ERC1: variants seen among roughly 807,000 people sequenced by gnomAD.
The protein encoded by ERC1 is ELKS/RAB6-interacting/CAST family member 1, also known as RAB6 interacting protein 2.
Under a neutral mutation model 132.0 loss-of-function variants are expected in ERC1, and 56 were observed. That is an observed-to-expected ratio of 0.42 (90% CI 0.34 to 0.53). The LOEUF (loss-of-function observed/expected upper bound fraction) is 0.53, where lower values mean the gene tolerates loss of function less well. Among genes scored for constraint, ERC1 ranks in the 20% least tolerant of loss-of-function variants. The pLI is 0.03. For missense variants in ERC1, 1,202 were observed against 1,349.9 expected (o/e 0.89, Z 1.72); for synonymous variants, 478 against 476.1 (o/e 1.00, Z -0.05).
chr12:1,480,977 T>C (rs2094079327), intron 18 of ERC1: 4 of 699,968 alleles, frequency 5.7e-6, no homozygotes, highest in Non-Finnish European at 1.0e-5. Flanking sequence ...ATGCTGAAAC[T>C]GTGGATGGTA....
intron 12 of ERC1, among the ~76,000 whole-genome samples, chr12:1,193,793 T>C (rs1482262929): frequency 6.6e-6 from 1 of 152,218 alleles, no homozygotes; most frequent in Non-Finnish European, 1.5e-5. Flanking sequence ...ATTGGGATTA[T>C]CTAGGTTAGT....
chr12:1,340,964 C>G (rs2083781335), intron 15 of ERC1, among the ~76,000 whole-genome samples: 1 of 151,312 alleles, frequency 6.6e-6, no homozygotes, highest in Admixed American at 6.6e-5. Flanking sequence ...GGTACATTGC[C>G]AGTATATTCT....
At chr12:1,022,984 A>G (rs1338214314) in intron 1 of ERC1, among the ~76,000 whole-genome samples, 2 of 152,154 alleles carry the variant, frequency 1.3e-5, no homozygotes, top group Non-Finnish European at 2.9e-5. Flanking sequence ...CGCCATGTGA[A>G]GAAGGATGTG....
intron 17 of ERC1, 194 bp from the exon 18 acceptor site, chr12:1,444,368 G>A (rs984061589): frequency 8.4e-6 from 4 of 478,566 alleles, no homozygotes; most frequent in Non-Finnish European, 1.5e-5. Flanking sequence ...GCGGCTGCGT[G>A]TGACAGCGTA....
intron 16 of ERC1, among the ~76,000 whole-genome samples, chr12:1,400,916 A>ATTTTTTTTTT (rs869202443): frequency 2.7e-4 from 4 of 15,054 alleles, no homozygotes; most frequent in African/African-American, 6.2e-4. Flanking sequence ...CTATTTTTGT[A>ATTTTTTTTTT]TTTTTTTTTT....
At chr12:1,162,811 G>A (rs1312570872) in intron 8 of ERC1, among the ~76,000 whole-genome samples, 1 of 152,098 alleles carries the variant, frequency 6.6e-6, no homozygotes, top group Non-Finnish European at 1.5e-5. Flanking sequence ...TGTGAAGCAA[G>A]CTAAGTTTAG....
chr12:1,350,959 C>T (rs2084939576), intron 15 of ERC1, among the ~76,000 whole-genome samples: 1 of 152,160 alleles, frequency 6.6e-6, no homozygotes, highest in Non-Finnish European at 1.5e-5. Context: ...CCCTGCAATA[C>T]CTAATGCAGT....
intron 3 of ERC1, among the ~76,000 whole-genome samples, chr12:1,097,227 G>C (rs34866178): frequency 6.6e-6 from 1 of 151,964 alleles, no homozygotes; most frequent in Non-Finnish European, 1.5e-5. Flanking sequence ...TTCCTACTTC[G>C]TGTGTATAGA....
At chr12:1,190,870 AG>A (rs1423366372) in intron 12 of ERC1, among the ~76,000 whole-genome samples, 1 of 149,474 alleles carries the variant, frequency 6.7e-6, no homozygotes, top group Non-Finnish European at 1.5e-5. Context: ...TGGCCTTTTG[AG>A]GACTGATCCT....
chr12:1,065,403 ATTTG>A (rs35405606), intron 2 of ERC1, among the ~76,000 whole-genome samples: 24,329 of 149,032 alleles, frequency 0.16, 3,446 homozygotes, highest in African/African-American at 0.39. Context: ...TAATTTCACA[ATTTG>A]TTTGTTTGTT....
chr12:1,477,579 A>T (rs1254892464), intron 18 of ERC1, among the ~76,000 whole-genome samples: 1 of 152,162 alleles, frequency 6.6e-6, no homozygotes, highest in Non-Finnish European at 1.5e-5. Context: ...GTCAGATTGG[A>T]TCGTACAGTT....
At chr12:1,140,514 T>C (rs1380593820) in intron 7 of ERC1, among the ~76,000 whole-genome samples, 1 of 152,192 alleles carries the variant, frequency 6.6e-6, no homozygotes, top group Admixed American at 6.6e-5. Flanking sequence ...TTCTGGAGTT[T>C]GGAGCATTTT....
chr12:1,244,232 G>T (rs773760928), intron 13 of ERC1, among the ~76,000 whole-genome samples: 1 of 152,074 alleles, frequency 6.6e-6, no homozygotes, highest in Non-Finnish European at 1.5e-5. Context: ...AATCGTAATC[G>T]AATGACTGGT....
chr12:1,299,432 GT>G (rs1365497596), intron 15 of ERC1, among the ~76,000 whole-genome samples: 1 of 152,190 alleles, frequency 6.6e-6, no homozygotes, highest in African/African-American at 2.4e-5. Context: ...AAGAAGGAAT[GT>G]TAGGACTCGT....
chr12:1,424,758 G>A (rs565017382), intron 17 of ERC1, among the ~76,000 whole-genome samples: 3 of 151,930 alleles, frequency 2.0e-5, no homozygotes, highest in East Asian at 1.9e-4. Flanking sequence ...CTACCCAGCC[G>A]TCTGCTGAAA....
intron 3 of ERC1, among the ~76,000 whole-genome samples, chr12:1,092,448 T>A (rs565233711): frequency 6.6e-6 from 1 of 152,254 alleles, no homozygotes; most frequent in South Asian, 2.1e-4. Context: ...AATATAATCA[T>A]GTCCATTCAT....
intron 17 of ERC1, among the ~76,000 whole-genome samples, chr12:1,411,116 G>A (rs960960740): frequency 3.9e-4 from 60 of 152,062 alleles, no homozygotes; most frequent in African/African-American, 1.2e-3. Context: ...TTCATGGATT[G>A]CTGCAGTGTT....
chr12:1,398,476 A>G (rs1702736830), intron 16 of ERC1, among the ~76,000 whole-genome samples: 1 of 152,238 alleles, frequency 6.6e-6, no homozygotes, highest in Non-Finnish European at 1.5e-5. Flanking sequence ...CCAGTCTTCA[A>G]GACTGAGATC....
chr12:1,152,716 G>A (rs568704984), intron 8 of ERC1: 37 of 153,976 alleles, frequency 2.4e-4, no homozygotes, highest in Non-Finnish European at 4.5e-4. Context: ...CAGAAATATC[G>A]GTTGGAGGCC....
Sources: allele counts gnomAD v4.1 joint callset (sites outside exome capture counted in the v4.1 genomes callset), GRCh38; gene constraint gnomAD v4.1.1; transcripts MANE v1.5; gene names NCBI Gene and HGNC (gene_info 2026-07-23, HGNC 2026-07-21).